Variants in BCL6 observed in about 807,000 individuals in gnomAD.
BCL6 encodes the protein B-cell lymphoma 6 protein.
BCL6 carries 7 observed loss-of-function variants against 59.5 expected under a neutral mutation model. The ratio of observed to expected loss-of-function variants is 0.12; its 90% CI spans 0.07 to 0.22. BCL6 has a LOEUF of 0.22. BCL6 is among the 10% of genes least tolerant of loss of function. The pLI, the probability that BCL6 is intolerant of heterozygous loss-of-function variation, is 1.00. For missense variants in BCL6, 685 were observed against 939.4 expected (o/e 0.73, Z 3.54); for synonymous variants, 339 against 349.7 (o/e 0.97, Z 0.34).
Position 187,729,830 on chromosome 3 carries a change from G to A in BCL6, c.575C>T (p.Pro192Leu), listed in dbSNP as rs1718941896. The change falls in exon 5 of 10, where the codon CCA (proline) becomes CTA (leucine). Residue 192 changes from proline to leucine, a missense_variant. This residue lies in a region of BCL6 where 268 missense variants were observed against 263.8 expected (regional missense o/e 1.02). Transcript: ENST00000406870. The surrounding 1 kb of genome is among the most constrained non-coding windows in gnomAD (Gnocchi z 5.6). ...PSLYSGLSTP[P>L]ASYSMYSHLP... ...GTGGCTGTACATGGAATAAGAGGCT[G>A]GCGGTGTGGACAGGCCACTGTACAG... 1 of 1,614,050 alleles carries A rather than the reference G, an allele frequency of 6.2e-7. No individual in the cohort carries two copies.
rs780987785 is a variant in BCL6, at chr3:187,729,596, C to T, written c.809G>A (p.Arg270Gln). The change falls in exon 5 of 10, where the codon CGA (arginine) becomes CAA (glutamine). Residue 270 changes from arginine to glutamine, a missense_variant. Coordinates refer to ENST00000406870, the MANE Select transcript of BCL6 (RefSeq NM_001706.5). This position sits in a 1 kb window ranked among gnomAD's most constrained non-coding sequence, Gnocchi z 5.6. ...SPKETIPEEA[R>Q]SDMHYSVAEG... is the part of the protein sequence containing the mutation. ...AGCCACACTGTAGTGCATATCACTT[C>T]GTGCCTCTTCTGGGATTGTTTCCTT... is the stretch of plus-strand genomic sequence containing the variant. The T allele has an allele frequency of 8.7e-6, 14 of 1,614,022 alleles. No homozygotes were observed. Among genetic ancestry groups the T allele is most frequent in the African/African-American group, 5.3e-5 (4 of 74,918 alleles).
chr3:187,737,397 A>AGAGAGAGAG (rs1719341870), intron 1 of BCL6: 1 of 122,836 alleles, frequency 8.1e-6, no homozygotes, highest in African/African-American at 3.2e-5. Flanking sequence ...GAGAGAGAGA[A>AGAGAGAGAG]AATGAGAGAA....
intron 4 of BCL6, among the ~76,000 whole-genome samples, chr3:187,731,104 G>A (rs962636751): frequency 6.6e-6 from 1 of 152,152 alleles, no homozygotes; most frequent in African/African-American, 2.4e-5. Context: ...ATCTTTAAAT[G>A]AAGGTCATGT....
At chr3:187,743,919 C>T (rs560349480) in intron 1 of BCL6, among the ~76,000 whole-genome samples, 26 of 152,262 alleles carry the variant, frequency 1.7e-4, no homozygotes, top group African/African-American at 6.3e-4. Flanking sequence ...CTCCCTTTCG[C>T]GCCCGCGCCC....
chr3:187,729,353 T>A lies in BCL6; in HGVS notation c.1052A>T (p.Lys351Met), dbSNP rs778985564. The change falls in exon 5 of 10, where the codon AAG becomes ATG. Residue 351 changes from lysine (K) to methionine (M), a missense_variant. This residue lies in a region of BCL6 where 28 missense variants were observed against 66.4 expected (regional missense o/e 0.42). Coordinates refer to ENST00000406870, the MANE Select transcript of BCL6 (RefSeq NM_001706.5). This position sits in a 1 kb window ranked among gnomAD's most constrained non-coding sequence, Gnocchi z 5.6. ...PNSPTESCSSKNACILQASGS... is the reference protein window; with the variant it reads ...PNSPTESCSSMNACILQASGS... ...AGAAGCCTGGAGGATGCAGGCATTC[T>A]TACTGCTGCAGGACTCTGTGGGCGA... 1 of 1,614,040 alleles carries A rather than the reference T, an allele frequency of 6.2e-7. No individual in the cohort carries two copies. Among genetic ancestry groups the A allele is most frequent in the Non-Finnish European group, 8.5e-7 (1 of 1,180,026 alleles).
At chr3:187,735,953 C>G (rs766781244) in intron 1 of BCL6, 1 of 152,190 alleles carries the variant, frequency 6.6e-6, no homozygotes, top group Admixed American at 6.5e-5. Flanking sequence ...TCTTCTGGCT[C>G]AAATTCCTGT....
chr3:187,731,251 G>C (rs145628122), intron 4 of BCL6, among the ~76,000 whole-genome samples: 1 of 152,100 alleles, frequency 6.6e-6, no homozygotes, highest in Admixed American at 6.5e-5. Context: ...CAGTCTGGTC[G>C]GGAACTAAGG....
chr3:187,724,109 G>C (rs1718552398), intron 9 of BCL6, among the ~76,000 whole-genome samples: 1 of 152,060 alleles, frequency 6.6e-6, no homozygotes, highest in Admixed American at 6.6e-5. Flanking sequence ...CCGGTATGTA[G>C]GTTAACCATT....
At chr3:187,744,836 G>T in intron 1 of BCL6, among the ~76,000 whole-genome samples, 1 of 152,208 alleles carries the variant, frequency 6.6e-6, no homozygotes, top group African/African-American at 2.4e-5. Context: ...TTGCAAGCGA[G>T]AAAAGAGGGA....
chr3:187,721,862 A>T lies in BCL6; in HGVS notation c.*596T>A, dbSNP rs932049557. 4.6e-6 allele frequency: 1 copy of T among 219,518 alleles called. No homozygotes were observed. The highest frequency in any genetic ancestry group is 2.2e-5 in the African/African-American group (1 of 44,536). 13.6% of individuals were successfully genotyped at this position (219,518 alleles called of 1,614,324 possible). A position where few individuals can be genotyped will look rare whatever the true frequency, so the allele number is the denominator to read the frequency against. ...TCTTAAGTGCTCTTTCTCAATAAAG[A>T]TTCTCAGATCCGTGTCTGCCTGCAG... is the stretch of plus-strand genomic sequence containing the variant. On this transcript the variant is annotated 3_prime_UTR_variant, in exon 10 of 10. Coordinates refer to ENST00000406870, the MANE Select transcript of BCL6 (RefSeq NM_001706.5). The surrounding 1 kb of genome is among the most constrained non-coding windows in gnomAD (Gnocchi z 4.2).
Position 187,727,049 on chromosome 3 carries a change from G to A in BCL6, c.1541-151C>T, listed in dbSNP as rs766070465. The A allele has an allele frequency of 1.3e-4, 104 of 798,222 alleles. 1 individual carries two copies. The Admixed American group carries it at 1.8e-3, about 14-fold the overall frequency. 49.4% of individuals were successfully genotyped at this position (798,222 alleles called of 1,614,324 possible). ...GACATTCATGGGAGCTCGGAGCAAA[G>A]GATCTGTGGGGACTTTATTTTTCTT... On this transcript the variant is annotated intron_variant, in intron 6 of 9. Transcript: ENST00000406870.
chr3:187,732,025 A>G, intron 3 of BCL6, 95 bp from the exon 4 acceptor site: 1 of 1,015,338 alleles, frequency 9.8e-7, no homozygotes, highest in Non-Finnish European at 1.5e-6. Context: ...CCCTGGGCCT[A>G]CCTCCAGAAC....
chr3:187,744,117 C>A, intron 1 of BCL6, among the ~76,000 whole-genome samples: 1 of 152,074 alleles, frequency 6.6e-6, no homozygotes, highest in East Asian at 1.9e-4. Context: ...ACAGAGCTTG[C>A]ACCATGGGAA....
Position 187,740,855 on chromosome 3 carries a change from G to A in BCL6, c.-50+4555C>T, listed in dbSNP as rs181363383. Among the ~76,000 whole-genome samples the A allele has an allele frequency of 1.4e-4, 21 of 152,376 alleles. No individual in the cohort carries two copies. In the East Asian group the frequency reaches 3.3e-3, roughly 24 times the overall value. ...ATAGATGCTCATCGCTGAGTGATGG[G>A]CAAGCAGCGAGGCCTTTCTGATTTT... On this transcript the variant is annotated intron_variant, in intron 1 of 9. Transcript: ENST00000406870.
chr3:187,726,676 C>G, intron 7 of BCL6, 55 bp downstream of exon 7: 1 of 1,589,512 alleles, frequency 6.3e-7, no homozygotes, highest in South Asian at 1.1e-5. Context: ...GGATCCTCTC[C>G]CTGTCCTGCC....
At chr3:187,739,673 C>T (rs1711523007) in intron 1 of BCL6, among the ~76,000 whole-genome samples, 3 of 152,110 alleles carry the variant, frequency 2.0e-5, no homozygotes, top group African/African-American at 4.8e-5. Context: ...AAGGGACGTT[C>T]CCCATACGCT....
intron 1 of BCL6, among the ~76,000 whole-genome samples, chr3:187,742,463 GAAGA>G (rs1057111133): frequency 3.3e-5 from 5 of 152,166 alleles, no homozygotes; most frequent in South Asian, 2.1e-4. Context: ...AAACTGAAAA[GAAGA>G]AAGGGGCAAT....
chr3:187,729,858 T>C lies in BCL6; in HGVS notation c.547A>G (p.Ser183Gly), dbSNP rs1419000487. 1 of 1,613,936 alleles carries C rather than the reference T, an allele frequency of 6.2e-7. No homozygotes were observed. Among genetic ancestry groups the C allele is most frequent in the Non-Finnish European group, 8.5e-7 (1 of 1,179,998 alleles). The change falls in exon 5 of 10, where the codon AGC becomes GGC. Residue 183 changes from serine (S) to glycine (G), a missense_variant. Physicochemically the swap from Ser to Gly is moderately conservative, Grantham distance 56. Transcript: ENST00000406870. The surrounding 1 kb of genome is among the most constrained non-coding windows in gnomAD (Gnocchi z 5.6). ...GGTGTGGACAGGCCACTGTACAGGCTGGGGGCAAAGGCTCTGCTCTCACAC... is the reference window on the plus strand; with the variant it reads ...GGTGTGGACAGGCCACTGTACAGGCCGGGGGCAAAGGCTCTGCTCTCACAC... The part of the protein sequence containing the change: ...PGCESRAFAP[S>G]LYSGLSTPPA...
rs1718660737 is a variant in BCL6 at position 187,725,779 on chromosome 3, G to A, written c.1709-150C>T. ...AGGGAATGTGAGAGAGAGAATCCAG[G>A]GGCCTGCCCCCACATCTGTCAGCCC... On this transcript the variant is annotated intron_variant, in intron 7 of 9. Coordinates refer to ENST00000406870, the MANE Select transcript of BCL6 (RefSeq NM_001706.5). This position sits in a 1 kb window ranked among gnomAD's most constrained non-coding sequence, Gnocchi z 4.7. The A allele has an allele frequency of 2.0e-6, 2 of 1,022,228 alleles. No individual in the cohort carries two copies. The highest frequency in any genetic ancestry group is 1.7e-5 in the South Asian group (1 of 59,256). 63.3% of individuals were successfully genotyped at this position (1,022,228 alleles called of 1,614,324 possible).
Sources: gnomAD v4.1 joint callset for allele counts (sites outside exome capture counted in the v4.1 genomes callset) on GRCh38, gnomAD v4.1.1 for gene constraint, gnomAD v4.1.1 regional missense constraint, Gnocchi (gnomAD v3.1) non-coding constraint, MANE v1.5 for transcripts, NCBI Gene and HGNC (gene_info 2026-07-23, HGNC 2026-07-21) for gene names.